TMEM163: variants seen among roughly 807,000 people sequenced by gnomAD.
The protein encoded by TMEM163 is transmembrane protein 163.
A neutral mutation model predicts 29.3 loss-of-function variants in TMEM163; 17 were observed. The observed-to-expected ratio is 0.58, with a 90% CI of 0.40 to 0.87. The LOEUF is 0.87. TMEM163 is among the 40% of genes least tolerant of loss of function. The pLI, the probability that TMEM163 is intolerant of heterozygous loss-of-function variation, is 0.00. For missense variants in TMEM163, 303 were observed against 381.5 expected, an observed-to-expected ratio of 0.79 and a Z score of 1.71; for synonymous variants, 157 against 160.6, an observed-to-expected ratio of 0.98 and a Z score of 0.17.
At chr2:134,700,941 A>AATAAATACATACATAAATAC (rs1553495682) in intron 2 of TMEM163, among the ~76,000 whole-genome samples, 34 of 146,410 alleles carry the variant, frequency 2.3e-4, no homozygotes, top group Non-Finnish European at 3.3e-4. Flanking sequence ...TAAATAAATA[A>AATAAATACATACATAAATAC]ATAAATAAAG....
intron 2 of TMEM163, among the ~76,000 whole-genome samples, chr2:134,634,964 A>G (rs1048016157): frequency 3.3e-5 from 5 of 152,266 alleles, no homozygotes; most frequent in African/African-American, 1.2e-4. Context: ...ACATTGAACA[A>G]GTGAAACCAA....
intron 2 of TMEM163, among the ~76,000 whole-genome samples, chr2:134,668,484 G>T (rs1263132697): frequency 6.6e-6 from 1 of 152,024 alleles, no homozygotes; most frequent in East Asian, 1.9e-4. Flanking sequence ...GGTCTTTACT[G>T]CCATTTCTTT....
intron 5 of TMEM163, among the ~76,000 whole-genome samples, chr2:134,488,238 T>C (rs6729175): frequency 0.061 from 9,302 of 152,292 alleles, 362 homozygotes; most frequent in South Asian, 0.12. Context: ...TAACATTTTA[T>C]CTTGAACTCC....
intron 2 of TMEM163, among the ~76,000 whole-genome samples, chr2:134,676,081 G>A (rs1684107219): frequency 6.6e-6 from 1 of 152,104 alleles, no homozygotes; most frequent in Non-Finnish European, 1.5e-5. Flanking sequence ...CAACAGAATG[G>A]GGCCAGTGGC....
chr2:134,625,072 T>C (rs1406804941), intron 2 of TMEM163, among the ~76,000 whole-genome samples: 1 of 152,200 alleles, frequency 6.6e-6, no homozygotes, highest in East Asian at 1.9e-4. Context: ...ACTTAATTGA[T>C]GCAAATATTG....
chr2:134,484,110 C>T (rs1679262892), intron 5 of TMEM163, among the ~76,000 whole-genome samples: 1 of 152,088 alleles, frequency 6.6e-6, no homozygotes, highest in African/African-American at 2.4e-5. Flanking sequence ...CACTGCACTC[C>T]AGCCTGGCTG....
chr2:134,681,975 A>G (rs1684257642), intron 2 of TMEM163, among the ~76,000 whole-genome samples: 1 of 152,148 alleles, frequency 6.6e-6, no homozygotes, highest in African/African-American at 2.4e-5. Context: ...AAATCTTACT[A>G]CAGCAAACAC....
Position 134,466,237 on chromosome 2 carries a change from A to G in TMEM163, c.556-12T>C, listed in dbSNP as rs1686667597. ...AACAGGAAATCGTCCTGCAAGAGAAAGTTCCAGATTTCAACAGTTCACCTC... is the reference window on the plus strand; with the variant it reads ...AACAGGAAATCGTCCTGCAAGAGAAGGTTCCAGATTTCAACAGTTCACCTC... On this transcript the variant is annotated splice_polypyrimidine_tract_variant and intron_variant, in intron 5 of 7. Transcript: ENST00000281924. 1.2e-6 allele frequency: 2 copies of G among 1,608,148 alleles called. No individual in the cohort carries two copies. The highest frequency in any genetic ancestry group is 1.3e-5 in the African/African-American group (1 of 74,882).
chr2:134,579,996 T>C (rs1681655362), intron 2 of TMEM163, among the ~76,000 whole-genome samples: 1 of 152,094 alleles, frequency 6.6e-6, no homozygotes, highest in Non-Finnish European at 1.5e-5. Flanking sequence ...AAAAGTACCT[T>C]AGGTACCAAA....
chr2:134,457,577 C>T (rs1466256518), intron 7 of TMEM163, among the ~76,000 whole-genome samples: 1 of 152,248 alleles, frequency 6.6e-6, no homozygotes, highest in Non-Finnish European at 1.5e-5. Context: ...GGCCTTTCTG[C>T]ACTGACTAGT....
At chr2:134,544,173 G>A (rs981295307) in intron 4 of TMEM163, among the ~76,000 whole-genome samples, 2 of 152,140 alleles carry the variant, frequency 1.3e-5, no homozygotes, top group Non-Finnish European at 2.9e-5. Flanking sequence ...GGCCCTCGCA[G>A]CTGATGGTGG....
intron 2 of TMEM163, among the ~76,000 whole-genome samples, chr2:134,644,505 G>T (rs1187975860): frequency 1.3e-5 from 2 of 151,986 alleles, no homozygotes; most frequent in Non-Finnish European, 2.9e-5. Context: ...TAAAAAGGTG[G>T]CCCCTTCAAC....
At chr2:134,703,374 G>C (rs962955205) in intron 2 of TMEM163, among the ~76,000 whole-genome samples, 3 of 152,004 alleles carry the variant, frequency 2.0e-5, no homozygotes, top group Admixed American at 1.3e-4. Flanking sequence ...GAGAAGCTGA[G>C]GTTAGAAAAG....
intron 2 of TMEM163, among the ~76,000 whole-genome samples, chr2:134,686,571 C>T (rs1013294338): frequency 2.0e-5 from 3 of 152,106 alleles, no homozygotes; most frequent in Admixed American, 2.0e-4. Flanking sequence ...CAGTGATTGA[C>T]TTATGGGGCC....
intron 2 of TMEM163, among the ~76,000 whole-genome samples, chr2:134,579,461 C>A (rs1681640977): frequency 3.3e-5 from 5 of 152,204 alleles, no homozygotes; most frequent in Admixed American, 3.3e-4. Context: ...CACTGAGAAG[C>A]TTTTTGGACA....
intron 5 of TMEM163, among the ~76,000 whole-genome samples, chr2:134,483,941 C>T (rs776993801): frequency 5.3e-5 from 8 of 152,090 alleles, no homozygotes; most frequent in South Asian, 2.1e-4. Flanking sequence ...GTCAGGAGTT[C>T]GAGACCAGCC....
At chr2:134,542,560 C>T (rs1380820420) in intron 4 of TMEM163, among the ~76,000 whole-genome samples, 1 of 152,164 alleles carries the variant, frequency 6.6e-6, no homozygotes, top group Admixed American at 6.5e-5. Flanking sequence ...CCTGTCAGAT[C>T]GGCAATGGCA....
chr2:134,496,300 G>A (rs565870539), intron 5 of TMEM163, among the ~76,000 whole-genome samples: 67 of 152,220 alleles, frequency 4.4e-4, no homozygotes, highest in African/African-American at 1.6e-3. Flanking sequence ...GACCTCAAGT[G>A]ATCTGCCCGC....
At chr2:134,657,338 C>T (rs1683644060) in intron 2 of TMEM163, among the ~76,000 whole-genome samples, 1 of 152,168 alleles carries the variant, frequency 6.6e-6, no homozygotes. Context: ...TGTGTATATA[C>T]CATGAAGTAC....
Sources: gnomAD v4.1 joint callset for allele counts (sites outside exome capture counted in the v4.1 genomes callset) on GRCh38, gnomAD v4.1.1 for gene constraint, MANE v1.5 for transcripts, NCBI Gene and HGNC (gene_info 2026-07-23, HGNC 2026-07-21) for gene names.